FANCA: variants seen among roughly 807,000 people sequenced by gnomAD.
FANCA encodes the protein FA complementation group A, also known as Fanconi anemia group A protein.
FANCA carries 236 observed loss-of-function variants against 194.3 expected under a neutral mutation model. That is an observed-to-expected ratio of 1.21 (90% CI 1.09 to 1.35). FANCA has a LOEUF of 1.35. FANCA is among the 40% of genes most tolerant of loss of function. The pLI, the probability that FANCA is intolerant of heterozygous loss-of-function variation, is 0.00. For missense variants in FANCA, 2,628 were observed against 1,813.9 expected, an observed-to-expected ratio of 1.45 and a Z score of -8.15; for synonymous variants, 1,014 against 715.8, an observed-to-expected ratio of 1.42 and a Z score of -6.65.
intron 30 of FANCA, among the ~76,000 whole-genome samples, chr16:89,756,123 T>C (rs188940188): frequency 3.8e-4 from 58 of 152,352 alleles, no homozygotes; most frequent in Admixed American, 3.8e-3. Flanking sequence ...GTGGGATTAC[T>C]GTCATATATG....
rs1800287 is a variant in FANCA, at chr16:89,792,117, C to G, written c.1084-49G>C. ...TTCAATATCCAAGCAAACCAATGTG[C>G]GACAGATGACCCCTCACCTTCCTCC... On this transcript the variant is annotated intron_variant, in intron 12 of 42. Coordinates refer to ENST00000389301, the MANE Select transcript of FANCA (RefSeq NM_000135.4). 0.46 allele frequency: 739,322 copies of G among 1,610,850 alleles called. 184,212 individuals carry two copies. The highest frequency in any genetic ancestry group is 0.98 in the East Asian group (43,980 of 44,872).
chr16:89,799,372 T>G, intron 9 of FANCA, 140 bp from the exon 10 acceptor site: 2 of 1,038,514 alleles, frequency 1.9e-6, no homozygotes, highest in South Asian at 2.7e-5. Context: ...CTACAATCTG[T>G]AGGCCTTAAT....
At position 89,806,252 on chromosome 16, in the gene FANCA, T is replaced by C. The variant is rs568036224; in HGVS notation, c.597-860A>G. On this transcript the variant is annotated intron_variant, in intron 6 of 42. Coordinates refer to ENST00000389301, the MANE Select transcript of FANCA (RefSeq NM_000135.4). Reference sequence around the variant, plus strand: ...ATGCTGTATCCTGGGGACTGTTCCATTTGGACTTACGAATACACACTCTGC... The same window carrying C: ...ATGCTGTATCCTGGGGACTGTTCCACTTGGACTTACGAATACACACTCTGC... 2.0e-5 allele frequency among the ~76,000 whole-genome samples: 3 copies of C among 152,184 alleles called. No individual in the cohort carries two copies. The East Asian group carries it at 5.8e-4, about 29-fold the overall frequency.
intron 11 of FANCA, among the ~76,000 whole-genome samples, chr16:89,795,077 G>T (rs1286247479): frequency 6.6e-6 from 1 of 152,120 alleles, no homozygotes; most frequent in Non-Finnish European, 1.5e-5. Context: ...CTGAGATTAG[G>T]AGTTCGAGAC....
intron 30 of FANCA, among the ~76,000 whole-genome samples, chr16:89,753,308 G>A (rs574818371): frequency 8.5e-5 from 13 of 152,170 alleles, no homozygotes; most frequent in South Asian, 8.3e-4. Flanking sequence ...CCCGACACTC[G>A]GGGCCACTAC....
chr16:89,807,656 G>A (rs1182802509), intron 6 of FANCA, among the ~76,000 whole-genome samples: 11 of 151,160 alleles, frequency 7.3e-5, no homozygotes, highest in East Asian at 5.9e-4. Flanking sequence ...AGGCAGAGGC[G>A]GGCAGATCCT....
chr16:89,766,625 G>A (rs2039136944), intron 27 of FANCA, among the ~76,000 whole-genome samples: 2 of 151,918 alleles, frequency 1.3e-5, no homozygotes, highest in East Asian at 2.0e-4. Flanking sequence ...TAAGGCAGGA[G>A]AACTGCCTGA....
chr16:89,773,224 A>G (rs1299285845), intron 22 of FANCA, 47 bp downstream of exon 22: 1 of 1,439,060 alleles, frequency 6.9e-7, no homozygotes, highest in Non-Finnish European at 9.5e-7. Flanking sequence ...AGCTCCAACC[A>G]CAGGCTGCAC....
At chr16:89,789,166 G>A (rs1285806896) in intron 14 of FANCA, among the ~76,000 whole-genome samples, 1 of 151,952 alleles carries the variant, frequency 6.6e-6, no homozygotes, top group Non-Finnish European at 1.5e-5. Flanking sequence ...GGGCAGAGCT[G>A]GGGAGAGCCT....
intron 17 of FANCA, 84 bp from the exon 18 acceptor site, chr16:89,780,041 G>T: frequency 8.0e-7 from 1 of 1,243,354 alleles, no homozygotes; most frequent in Non-Finnish European, 1.2e-6. Context: ...CTCAACCTGT[G>T]CTTCCTTGTT....
In FANCA at chr16:89,770,313, C is replaced by T. The variant is rs553946413; in HGVS notation, c.2223-54G>A. The T allele has an allele frequency of 3.0e-4, 428 of 1,432,624 alleles. 6 individuals carry two copies. In the East Asian group the frequency reaches 9.0e-3, roughly 30 times the overall value. 88.7% of individuals were successfully genotyped at this position (1,432,624 alleles called of 1,614,324 possible). On this transcript the variant is annotated intron_variant, in intron 24 of 42. Coordinates refer to ENST00000389301, the MANE Select transcript of FANCA (RefSeq NM_000135.4). ...ACTAGCCATTCAGTCCTGCACATCCCTCCAACAGCTAATCCAACCACCAGC... is the reference window on the plus strand; with the variant it reads ...ACTAGCCATTCAGTCCTGCACATCCTTCCAACAGCTAATCCAACCACCAGC...
chr16:89,764,098 C>T (rs760340829), intron 28 of FANCA, among the ~76,000 whole-genome samples: 2 of 151,330 alleles, frequency 1.3e-5, no homozygotes, highest in East Asian at 3.9e-4. Flanking sequence ...CAAAATTAGT[C>T]GGGCGTGGTG....
At chr16:89,799,550 T>A in intron 9 of FANCA, 55 bp downstream of exon 9, 1 of 1,515,060 alleles carries the variant, frequency 6.6e-7, no homozygotes, top group Admixed American at 1.7e-5. Context: ...CTGATACAAT[T>A]GCTAATAAGC....
rs1398564559 is a variant in FANCA, at chr16:89,784,980, A to C, written c.1360-16T>G. ...CAAAGGAGGCCTGTGTGGAGAGAAGAGCGTGAAGCCCAGGACAGCCAGGCG... is the reference window on the plus strand; with the variant it reads ...CAAAGGAGGCCTGTGTGGAGAGAAGCGCGTGAAGCCCAGGACAGCCAGGCG... On this transcript the variant is annotated splice_polypyrimidine_tract_variant and intron_variant, in intron 14 of 42. Transcript: ENST00000389301. The C allele has an allele frequency of 6.3e-7, 1 of 1,596,586 alleles. No individual in the cohort carries two copies. Among genetic ancestry groups the C allele is most frequent in the East Asian group, 2.2e-5 (1 of 44,774 alleles).
chr16:89,815,903 G>C lies in FANCA; in HGVS notation c.163C>G (p.Gln55Glu). ...TCAAGCAAAAGGGCATTCAGGTCCT[G>C]ATGGCTTCGCAGGAGGCGCACAGCT... ...ESAVRLLRSH[Q>E]DLNALLLEVE... The change falls in exon 2 of 43, where the codon CAG (glutamine) becomes GAG (glutamate). Residue 55 changes from glutamine to glutamate, a missense_variant. By Grantham distance (29) the Gln-to-Glu change is conservative. Transcript: ENST00000389301. 1 of 1,614,072 alleles carries C rather than the reference G, an allele frequency of 6.2e-7. No homozygotes were observed. The highest frequency in any genetic ancestry group is 1.1e-5 in the South Asian group (1 of 91,088).
In FANCA at chr16:89,746,593, G is replaced by A. The variant is rs371464360; in HGVS notation, c.3504C>T (p.Thr1168=). 2 of 1,613,966 alleles carry A rather than the reference G, an allele frequency of 1.2e-6. No individual in the cohort carries two copies. The highest frequency in any genetic ancestry group is 3.3e-5 in the Admixed American group (2 of 60,028). ...AAGACAGCTGACCCACCAGAGCAGA[G>A]GTCAAAATTAAGGGGCATTTCGTCT... is the stretch of plus-strand genomic sequence containing the variant. ...KCQTKCPLIL[T]SALVWWPSLE... is the part of the protein sequence containing the mutation. Residue 1168 remains threonine, a synonymous_variant, in exon 35 of 43, where the codon ACC becomes ACT. Coordinates refer to ENST00000389301, the MANE Select transcript of FANCA (RefSeq NM_000135.4).
intron 8 of FANCA, among the ~76,000 whole-genome samples, chr16:89,802,710 CT>C (rs989381683): frequency 6.6e-6 from 1 of 151,592 alleles, no homozygotes; most frequent in South Asian, 2.1e-4. Context: ...GCCAGCTATT[CT>C]TTTTTTTTAA....
At chr16:89,740,194 CT>C in intron 38 of FANCA, 95 bp from the exon 39 acceptor site, 1 of 996,166 alleles carries the variant, frequency 1.0e-6, no homozygotes. Flanking sequence ...GGCATTTCCT[CT>C]TTGCTTATTG....
chr16:89,798,215 C>A (rs2040314220), intron 10 of FANCA: 1 of 345,268 alleles, frequency 2.9e-6, no homozygotes, highest in South Asian at 1.2e-4. Flanking sequence ...GGAAGAGGGT[C>A]CTCACCAGAA....
Sources: allele counts gnomAD v4.1 joint callset (sites outside exome capture counted in the v4.1 genomes callset), GRCh38; gene constraint gnomAD v4.1.1; transcripts MANE v1.5; gene names NCBI Gene and HGNC (gene_info 2026-07-23, HGNC 2026-07-21).